The following CYP4F11 variants were observed in gnomAD, a reference collection of about 807,000 sequenced individuals.
CYP4F11 encodes cytochrome P450 4F11.
Under a neutral mutation model 62.2 loss-of-function variants are expected in CYP4F11, and 79 were observed. That is an observed-to-expected ratio of 1.27 (90% CI 1.06 to 1.53). CYP4F11 has a LOEUF of 1.53. Among genes scored for constraint, CYP4F11 ranks in the 40% most tolerant of loss-of-function variants. The pLI is 0.00. For synonymous variants in CYP4F11, 290 were observed against 263.7 expected (o/e 1.10, Z -0.97); for missense variants, 777 against 680.5 (o/e 1.14, Z -1.58).
intron 8 of CYP4F11, among the ~76,000 whole-genome samples, chr19:15,919,413 CGGATGGATGGATGGAT>C (rs56657452): frequency 3.4e-4 from 49 of 144,596 alleles, no homozygotes; most frequent in Admixed American, 2.0e-3. Context: ...GATGGATGGA[CGGATGGATGGATGGAT>C]GGATGGATGG....
chr19:15,918,410 C>T (rs1397608818), intron 8 of CYP4F11, among the ~76,000 whole-genome samples: 1 of 151,888 alleles, frequency 6.6e-6, no homozygotes, highest in Non-Finnish European at 1.5e-5. Context: ...ATGTAACCAA[C>T]CTGCATAGCC....
intron 2 of CYP4F11, among the ~76,000 whole-genome samples, chr19:15,928,866 C>G (rs983555664): frequency 2.6e-5 from 4 of 152,128 alleles, no homozygotes; most frequent in Non-Finnish European, 5.9e-5. Context: ...AATAAACTCA[C>G]CAGACTTGAA....
At position 15,912,731 on chromosome 19, in the gene CYP4F11, G is replaced by A. The variant is rs865874261; in HGVS notation, c.*1001C>T. ...TGTGTGTGTGTGTGTGTGTGTGTGTGTGTATATGTATATATGTGTGTGTGT... is the reference window on the plus strand; with the variant it reads ...TGTGTGTGTGTGTGTGTGTGTGTGTATGTATATGTATATATGTGTGTGTGT... On this transcript the variant is annotated 3_prime_UTR_variant, in exon 12 of 12. Transcript: ENST00000402119. The A allele has an allele frequency of 1.0e-4, 6 of 60,174 alleles. No individual in the cohort carries two copies. The highest frequency in any genetic ancestry group is 2.0e-4 in the African/African-American group (3 of 15,246). The allele number at this position is 60,174 out of a possible 1,614,324, so 3.7% of individuals were successfully genotyped here. A position where few individuals can be genotyped will look rare whatever the true frequency, so the allele number is the denominator to read the frequency against.
At chr19:15,928,274 A>G (rs1484482709) in intron 2 of CYP4F11, among the ~76,000 whole-genome samples, 1 of 152,216 alleles carries the variant, frequency 6.6e-6, no homozygotes, top group Non-Finnish European at 1.5e-5. Flanking sequence ...TGAGCCCCAC[A>G]CATGATGACT....
chr19:15,923,568 A>AT (rs1217827091), intron 6 of CYP4F11, among the ~76,000 whole-genome samples: 1 of 152,180 alleles, frequency 6.6e-6, no homozygotes, highest in African/African-American at 2.4e-5. Flanking sequence ...ATGCATAAAA[A>AT]TATGTCAGCC....
At chr19:15,931,539 A>G (rs1342960771) in intron 1 of CYP4F11, among the ~76,000 whole-genome samples, 1 of 101,974 alleles carries the variant, frequency 9.8e-6, no homozygotes. Context: ...GGAATGAGTG[A>G]GCGGGGAGAG....
intron 1 of CYP4F11, among the ~76,000 whole-genome samples, chr19:15,930,523 C>T (rs899260111): frequency 5.3e-5 from 8 of 152,140 alleles, no homozygotes; most frequent in East Asian, 1.9e-4. Flanking sequence ...ACCTGGGAGG[C>T]GGAGGTTGCA....
At chr19:15,929,066 C>G (rs893370209) in intron 2 of CYP4F11, among the ~76,000 whole-genome samples, 5 of 152,204 alleles carry the variant, frequency 3.3e-5, no homozygotes, top group Non-Finnish European at 7.3e-5. Context: ...CTCCAGGAAG[C>G]CTTCCAATCT....
intron 4 of CYP4F11, among the ~76,000 whole-genome samples, chr19:15,925,732 A>ACACG (rs1427952590): frequency 4.0e-5 from 6 of 149,512 alleles, no homozygotes; most frequent in African/African-American, 1.5e-4. Flanking sequence ...ATATATGTAC[A>ACACG]CACACACACA....
At chr19:15,915,718 T>C (rs1188824749) in intron 8 of CYP4F11, among the ~76,000 whole-genome samples, 2 of 151,834 alleles carry the variant, frequency 1.3e-5, no homozygotes, top group East Asian at 2.0e-4. Flanking sequence ...TGTATCAAAA[T>C]AGGGTTATCC....
chr19:15,917,267 C>T (rs2089590418), intron 8 of CYP4F11, among the ~76,000 whole-genome samples: 1 of 151,980 alleles, frequency 6.6e-6, no homozygotes. Flanking sequence ...TTTGGGGACT[C>T]AGGGAGGGAC....
intron 1 of CYP4F11, among the ~76,000 whole-genome samples, chr19:15,931,398 G>A (rs897551634): frequency 6.6e-6 from 1 of 151,868 alleles, no homozygotes; most frequent in African/African-American, 2.4e-5. Flanking sequence ...TCTTTGCTCT[G>A]TGCACCCATA....
chr19:15,919,179 T>C (rs991302961), intron 8 of CYP4F11, among the ~76,000 whole-genome samples: 7 of 148,146 alleles, frequency 4.7e-5, no homozygotes, highest in South Asian at 2.1e-4. Flanking sequence ...TATTTCTATG[T>C]ATATGAAATA....
chr19:15,929,572 T>C lies in CYP4F11; in HGVS notation c.228A>G (p.Thr76=). Residue 76 remains threonine (T), a synonymous_variant, in exon 2 of 12, where the codon ACA becomes ACG. Coordinates refer to ENST00000402119, the MANE Select transcript of CYP4F11 (RefSeq NM_021187.4). The part of the protein sequence containing the change: ...LVTPTEEGMK[T]LTQLVTTYPQ... ...GATATGTGGTCACCAGCTGGGTCAA[T>C]GTCTTCATGCCCTCTTCCGTGGGAG... 1 of 1,612,120 alleles carries C rather than the reference T, an allele frequency of 6.2e-7. No individual in the cohort carries two copies.
intron 5 of CYP4F11, 51 bp downstream of exon 5, chr19:15,924,710 T>G (rs569331775): frequency 1.3e-6 from 2 of 1,588,224 alleles, no homozygotes; most frequent in East Asian, 2.3e-5. Context: ...TTTTCCAGCC[T>G]ACTCCCTTGG....
At chr19:15,931,569 GGAATGAGTGAGCGAGGAGAGGAAT>G (rs2089720922) in intron 1 of CYP4F11, among the ~76,000 whole-genome samples, 1 of 119,008 alleles carries the variant, frequency 8.4e-6, no homozygotes, top group Non-Finnish European at 1.8e-5. Flanking sequence ...AGCGAGGAGA[GGAATGAGTGAGCGAGGAGAGGAAT>G]GAGTGAGTGA....
chr19:15,930,941 C>G (rs1168202912), intron 1 of CYP4F11, among the ~76,000 whole-genome samples: 1 of 152,222 alleles, frequency 6.6e-6, no homozygotes, highest in Non-Finnish European at 1.5e-5. Flanking sequence ...CTAGTGTGTC[C>G]TATTCACCCT....
In CYP4F11 at chr19:15,913,759, C is replaced by T. The variant is rs1249147648; in HGVS notation, c.1548G>A (p.Val516=). ...LRAEGGLWLR[V]EPLGANSQ ...ACTGTGAGTTCGCACCCAGGGGCTC[C>T]ACCCGCAGCCAAAGTCCACCCTCTG... The change falls in exon 12 of 12, where the codon GTG becomes GTA. Residue 516 remains valine (V), a synonymous_variant. Transcript: ENST00000402119. 6.2e-7 allele frequency: 1 copy of T among 1,614,164 alleles called. No homozygotes were observed. Among genetic ancestry groups the T allele is most frequent in the South Asian group, 1.1e-5 (1 of 91,080 alleles).
At chr19:15,934,010 GAATGAGTGAGTGGGC>G (rs2145064802) in intron 1 of CYP4F11, among the ~76,000 whole-genome samples, 186 bp downstream of exon 1, 1 of 114,202 alleles carries the variant, frequency 8.8e-6, no homozygotes, top group Non-Finnish European at 1.9e-5. Flanking sequence ...GTGGGCAGAG[GAATGAGTGAGTGGGC>G]AGAGGAATGA....
Sources: allele counts gnomAD v4.1 joint callset (sites outside exome capture counted in the v4.1 genomes callset), GRCh38; gene constraint gnomAD v4.1.1; transcripts MANE v1.5; gene names NCBI Gene and HGNC (gene_info 2026-07-23, HGNC 2026-07-21).